Variants in COL25A1 observed in about 807,000 individuals in gnomAD.
COL25A1 encodes collagen type XXV alpha 1 chain, also known as collagen alpha-1(XXV) chain.
COL25A1 carries 103 observed loss-of-function variants against 128.4 expected under a neutral mutation model. The ratio of observed to expected loss-of-function variants is 0.80; its 90% CI spans 0.68 to 0.94. The LOEUF (loss-of-function observed/expected upper bound fraction) is 0.94, where lower values mean the gene tolerates loss of function less well. Ranked by LOEUF, COL25A1 falls within the 40% of genes least tolerant of loss-of-function variation. COL25A1 has a pLI of 0.00. For missense variants in COL25A1, 745 were observed against 840.0 expected (o/e 0.89, Z 1.40); for synonymous variants, 279 against 277.2 (o/e 1.01, Z -0.06).
chr4:108,906,339 T>G (rs1295644343), intron 13 of COL25A1, among the ~76,000 whole-genome samples: 1 of 152,106 alleles, frequency 6.6e-6, no homozygotes, highest in African/African-American at 2.4e-5. Flanking sequence ...TTTCCTCGGA[T>G]AGCTATAGGA....
At chr4:109,102,799 T>C (rs1023127425) in intron 3 of COL25A1, among the ~76,000 whole-genome samples, 1 of 152,182 alleles carries the variant, frequency 6.6e-6, no homozygotes, top group Non-Finnish European at 1.5e-5. Flanking sequence ...TATTTTGATT[T>C]TAATATAGCC....
chr4:108,984,799 C>T (rs62314655), intron 6 of COL25A1, among the ~76,000 whole-genome samples: 19,932 of 152,274 alleles, frequency 0.13, 2,000 homozygotes, highest in East Asian at 0.4. Context: ...AAGGGGCTCC[C>T]ATAGTGCAGC....
At chr4:109,248,602 C>T (rs549140476) in intron 3 of COL25A1, among the ~76,000 whole-genome samples, 1 of 152,162 alleles carries the variant, frequency 6.6e-6, no homozygotes, top group Non-Finnish European at 1.5e-5. Context: ...ATCCATCTAT[C>T]TCCACCCATG....
At position 108,808,980 on chromosome 4, in the gene COL25A1, A is replaced by G. The variant is rs183042096; in HGVS notation, c.*4947T>C. 6.6e-6 allele frequency: 1 copy of G among 152,326 alleles called. No individual in the cohort carries two copies. The highest frequency in any genetic ancestry group is 1.9e-4 in the East Asian group (1 of 5,190). 9.4% of individuals were successfully genotyped at this position (152,326 alleles called of 1,614,324 possible). A position where few individuals can be genotyped will look rare whatever the true frequency, so the allele number is the denominator to read the frequency against. ...AAAAATCTTATGCATCTTTTGATAC[A>G]GTAATGTCAGCTGGAGAAATTACAA... On this transcript the variant is annotated 3_prime_UTR_variant, in exon 38 of 38. Transcript: ENST00000399132.
intron 31 of COL25A1, among the ~76,000 whole-genome samples, chr4:108,836,696 A>G (rs1733854415): frequency 1.3e-5 from 2 of 152,144 alleles, no homozygotes; most frequent in Middle Eastern, 6.8e-3. Context: ...CACTGATAAT[A>G]TTATATCTAC....
chr4:109,136,071 C>T (rs1415196067), intron 3 of COL25A1, among the ~76,000 whole-genome samples: 1 of 152,164 alleles, frequency 6.6e-6, no homozygotes, highest in Admixed American at 6.5e-5. Flanking sequence ...GGTAGGGATA[C>T]AGCTTACAGT....
At chr4:109,081,256 T>C (rs967812466) in intron 3 of COL25A1, among the ~76,000 whole-genome samples, 1 of 152,176 alleles carries the variant, frequency 6.6e-6, no homozygotes, top group Non-Finnish European at 1.5e-5. Flanking sequence ...TACAGTTTTT[T>C]ACCTCATATC....
In COL25A1 at chr4:109,117,483, AACC is replaced by A. The variant is rs1282311891; in HGVS notation, c.368-67307_368-67305del. ...AATTGAGAGAATTTGCTGCCAGTGGAACCACCTTGCAATAAATATTAGAAGTTC... is the reference window on the plus strand; with the variant it reads ...AATTGAGAGAATTTGCTGCCAGTGGAACCTTGCAATAAATATTAGAAGTTC... On this transcript the variant is annotated intron_variant, in intron 3 of 37. Coordinates refer to ENST00000399132, the MANE Select transcript of COL25A1 (RefSeq NM_198721.4). 2.0e-5 allele frequency among the ~76,000 whole-genome samples: 3 copies of A among 151,986 alleles called. No individual in the cohort carries two copies. The South Asian group carries it at 6.2e-4, about 31-fold the overall frequency.
intron 8 of COL25A1, among the ~76,000 whole-genome samples, chr4:108,941,737 G>A (rs1748124022): frequency 6.6e-6 from 1 of 152,132 alleles, no homozygotes; most frequent in African/African-American, 2.4e-5. Context: ...AAACAGGTAA[G>A]CAAGTGCACC....
At position 108,901,067 on chromosome 4, in the gene COL25A1, T is replaced by G. The variant is rs548402965; in HGVS notation, c.834+52A>C. 2.2e-6 allele frequency: 3 copies of G among 1,375,210 alleles called. No homozygotes were observed. In the South Asian group the frequency reaches 3.6e-5, roughly 16 times the overall value. The allele number at this position is 1,375,210 out of a possible 1,614,324, so 85.2% of individuals were successfully genotyped here. ...ATTGTATTAAATAATAGCTTACAAT[T>G]TCCTGACAATTCGTGTGTCAAATGA... is the stretch of plus-strand genomic sequence containing the variant. On this transcript the variant is annotated intron_variant, in intron 14 of 37. Transcript: ENST00000399132.
chr4:109,058,846 A>G (rs1322244950), intron 3 of COL25A1, among the ~76,000 whole-genome samples: 1 of 152,210 alleles, frequency 6.6e-6, no homozygotes, highest in African/African-American at 2.4e-5. Flanking sequence ...TAGTAAAAAT[A>G]CTCATAGAAT....
chr4:108,913,905 A>T (rs1358073), intron 13 of COL25A1, among the ~76,000 whole-genome samples: 106,438 of 152,074 alleles, frequency 0.7, 38,619 homozygotes, highest in East Asian at 0.94. Context: ...TGTATGTGTG[A>T]GTGTGCGTTT....
chr4:108,917,738 T>C (rs1192527183), intron 13 of COL25A1, among the ~76,000 whole-genome samples: 1 of 152,248 alleles, frequency 6.6e-6, no homozygotes, highest in Non-Finnish European at 1.5e-5. Flanking sequence ...AAGAGCTACC[T>C]TCTGGATTCA....
rs536933862 is a variant in COL25A1 at position 109,089,306 on chromosome 4, T to C, written c.368-39127A>G. Among the ~76,000 whole-genome samples, 36 of 152,336 alleles carry C rather than the reference T, an allele frequency of 2.4e-4. 1 individual carries two copies. In the South Asian group the frequency reaches 5.6e-3, roughly 24 times the overall value. On this transcript the variant is annotated intron_variant, in intron 3 of 37. Coordinates refer to ENST00000399132, the MANE Select transcript of COL25A1 (RefSeq NM_198721.4). ...CATTAATCCATTTTGGGCAGGTCAG[T>C]TCAATCTCTCATCTTTCATTCCTTT...
intron 3 of COL25A1, among the ~76,000 whole-genome samples, chr4:109,081,087 A>G (rs1188196364): frequency 6.6e-6 from 1 of 152,210 alleles, no homozygotes; most frequent in Non-Finnish European, 1.5e-5. Flanking sequence ...TGCATGGTCA[A>G]TATTTCCCCC....
At chr4:109,070,060 G>C (rs1762788173) in intron 3 of COL25A1, among the ~76,000 whole-genome samples, 1 of 150,550 alleles carries the variant, frequency 6.6e-6, no homozygotes. Flanking sequence ...ATCGGAACCA[G>C]CCTGGCCAAC....
intron 3 of COL25A1, among the ~76,000 whole-genome samples, chr4:109,151,341 C>T (rs1204826729): frequency 6.6e-6 from 1 of 152,082 alleles, no homozygotes; most frequent in African/African-American, 2.4e-5. Context: ...GGTATCTCTT[C>T]TAAGACACAC....
At chr4:108,914,345 CAA>C (rs1744614899) in intron 13 of COL25A1, among the ~76,000 whole-genome samples, 1 of 152,184 alleles carries the variant, frequency 6.6e-6, no homozygotes, top group African/African-American at 2.4e-5. Context: ...AAAGGCTACA[CAA>C]GAGGTGAAAG....
chr4:109,288,364 C>A (rs564347510), intron 3 of COL25A1, among the ~76,000 whole-genome samples: 2 of 152,176 alleles, frequency 1.3e-5, no homozygotes, highest in South Asian at 4.1e-4. Flanking sequence ...TACACACAGT[C>A]AAAAATATAA....
Sources: gnomAD v4.1 joint callset for allele counts (sites outside exome capture counted in the v4.1 genomes callset) on GRCh38, gnomAD v4.1.1 for gene constraint, MANE v1.5 for transcripts, NCBI Gene and HGNC (gene_info 2026-07-23, HGNC 2026-07-21) for gene names.